CDC14A: variants seen among roughly 807,000 people sequenced by gnomAD.
The protein encoded by CDC14A is cell division cycle 14A.
Under a neutral mutation model 74.4 loss-of-function variants are expected in CDC14A, and 53 were observed. That is an observed-to-expected ratio of 0.71 (90% CI 0.57 to 0.89). The LOEUF is 0.89. Ranked by LOEUF, CDC14A falls within the 40% of genes least tolerant of loss-of-function variation. CDC14A has a pLI of 0.00. For missense variants in CDC14A, 646 were observed against 713.7 expected (o/e 0.91, Z 1.08); for synonymous variants, 247 against 258.4 (o/e 0.96, Z 0.43).
Position 100,508,673 on chromosome 1 carries a change from C to T in CDC14A, c.1755+9411C>T, listed in dbSNP as rs569770143. Among the ~76,000 whole-genome samples, 376 of 152,254 alleles carry T rather than the reference C, an allele frequency of 2.5e-3. 1 individual carries two copies. Among genetic ancestry groups the T allele is most frequent in the African/African-American group, 8.4e-3 (347 of 41,548 alleles). On this transcript the variant is annotated intron_variant, in intron 15 of 15. Coordinates refer to ENST00000336454, the MANE Select transcript of CDC14A (RefSeq NM_003672.4). This position sits in a 1 kb window ranked among gnomAD's most constrained non-coding sequence, Gnocchi z 4.4. Reference sequence around the variant, plus strand: ...ATGTGGCTCCATCTCAGCCCTGGCCCGAGGGCAATGGTCCCAATTTCTCTC... The same window carrying T: ...ATGTGGCTCCATCTCAGCCCTGGCCTGAGGGCAATGGTCCCAATTTCTCTC...
At chr1:100,377,097 G>A (rs1439512702) in intron 2 of CDC14A, among the ~76,000 whole-genome samples, 4 of 151,030 alleles carry the variant, frequency 2.6e-5, no homozygotes, top group Non-Finnish European at 5.9e-5. Context: ...GCAGTGGTGC[G>A]ATCTCTGGCT....
intron 2 of CDC14A, among the ~76,000 whole-genome samples, chr1:100,372,554 G>T (rs951771576): frequency 6.6e-6 from 1 of 152,134 alleles, no homozygotes; most frequent in African/African-American, 2.4e-5. Flanking sequence ...TGAGCAAAAG[G>T]TGTGAGCATG....
intron 5 of CDC14A, among the ~76,000 whole-genome samples, chr1:100,427,874 G>A (rs1663140887): frequency 6.6e-6 from 1 of 152,098 alleles, no homozygotes; most frequent in Non-Finnish European, 1.5e-5. Context: ...GGAATACTGA[G>A]GAAGGAGGTT....
At chr1:100,405,657 G>A (rs1557723627) in intron 4 of CDC14A, among the ~76,000 whole-genome samples, 1 of 152,172 alleles carries the variant, frequency 6.6e-6, no homozygotes, top group Non-Finnish European at 1.5e-5. Flanking sequence ...GTGTTACTTT[G>A]CTGTGGATAA....
At chr1:100,363,550 T>G (rs1653100586) in intron 2 of CDC14A, among the ~76,000 whole-genome samples, 2 of 152,160 alleles carry the variant, frequency 1.3e-5, no homozygotes, top group Non-Finnish European at 2.9e-5. Context: ...TTAATTTAAT[T>G]TTTTGGTCTT....
At chr1:100,365,900 G>A (rs1458858704) in intron 2 of CDC14A, among the ~76,000 whole-genome samples, 2 of 151,720 alleles carry the variant, frequency 1.3e-5, no homozygotes, top group Non-Finnish European at 2.9e-5. Flanking sequence ...GTTAGGTAAT[G>A]TGTGGCCCAG....
At chr1:100,367,249 CAAAT>C (rs1370900236) in intron 2 of CDC14A, among the ~76,000 whole-genome samples, 1 of 152,156 alleles carries the variant, frequency 6.6e-6, no homozygotes, top group Non-Finnish European at 1.5e-5. Context: ...CCAAGCTGCC[CAAAT>C]AAATCTAGCA....
rs912998818 is a variant in CDC14A at position 100,484,563 on chromosome 1, A to G, written c.1137+112A>G. 8.2e-6 allele frequency: 11 copies of G among 1,343,596 alleles called. No individual in the cohort carries two copies. The East Asian group carries it at 1.4e-4, about 17-fold the overall frequency. The allele number at this position is 1,343,596 out of a possible 1,614,324, so 83.2% of individuals were successfully genotyped here. On this transcript the variant is annotated intron_variant, in intron 11 of 15. Transcript: ENST00000336454. ...TTTTCTCTGGATGCCACGAGTACCA[A>G]GTTTTTAGAAGTAGAGCCATCCGTC...
At chr1:100,410,052 A>G (rs903384431) in intron 4 of CDC14A, among the ~76,000 whole-genome samples, 1 of 152,070 alleles carries the variant, frequency 6.6e-6, no homozygotes, top group Non-Finnish European at 1.5e-5. Context: ...TGTATAAAAA[A>G]TAAAAAAGAA....
chr1:100,515,386 C>CTT (rs368562046), intron 15 of CDC14A, among the ~76,000 whole-genome samples: 8 of 140,214 alleles, frequency 5.7e-5, no homozygotes, highest in Non-Finnish European at 1.1e-4. Flanking sequence ...TTCTTTCTTT[C>CTT]TTTTTTTTTT....
chr1:100,426,757 C>T (rs1663010018), intron 5 of CDC14A, among the ~76,000 whole-genome samples: 1 of 152,094 alleles, frequency 6.6e-6, no homozygotes. Flanking sequence ...AAGATATGCA[C>T]CCATTTCCTA....
Position 100,398,192 on chromosome 1 carries a change from G to A in CDC14A, c.309+7368G>A, listed in dbSNP as rs554333719. Among the ~76,000 whole-genome samples the A allele has an allele frequency of 2.2e-4, 34 of 152,256 alleles. 2 individuals are homozygous for A. In the South Asian group the frequency reaches 6.0e-3, roughly 27 times the overall value. The stretch of plus-strand genomic sequence containing the variant: ...AGGTGTCATCGGTGCAGTGTCTGAC[G>A]TTGTATGCACTTAGGAATGTCTGGT... On this transcript the variant is annotated intron_variant, in intron 4 of 15. Coordinates refer to ENST00000336454, the MANE Select transcript of CDC14A (RefSeq NM_003672.4).
intron 4 of CDC14A, among the ~76,000 whole-genome samples, chr1:100,395,054 A>G (rs1352445286): frequency 6.6e-6 from 1 of 152,230 alleles, no homozygotes; most frequent in Non-Finnish European, 1.5e-5. Context: ...ATATTTTATC[A>G]AACAGAAGTC....
chr1:100,397,888 G>C (rs1658742155), intron 4 of CDC14A, among the ~76,000 whole-genome samples: 1 of 152,146 alleles, frequency 6.6e-6, no homozygotes, highest in Non-Finnish European at 1.5e-5. Flanking sequence ...CCATGTCTGT[G>C]TTGGCTATTT....
At chr1:100,461,931 G>A (rs970415645) in intron 8 of CDC14A, among the ~76,000 whole-genome samples, 3 of 152,002 alleles carry the variant, frequency 2.0e-5, no homozygotes, top group Non-Finnish European at 4.4e-5. Context: ...ATCATTTTTT[G>A]TGGTGAGAAG....
At chr1:100,453,617 A>G (rs1286542015) in intron 7 of CDC14A, among the ~76,000 whole-genome samples, 3 of 152,028 alleles carry the variant, frequency 2.0e-5, no homozygotes, top group African/African-American at 4.8e-5. Context: ...GGTTTCTTAG[A>G]TTTTACTTAG....
intron 3 of CDC14A, among the ~76,000 whole-genome samples, chr1:100,381,295 A>T (rs1456330987): frequency 6.6e-6 from 1 of 151,758 alleles, no homozygotes; most frequent in Non-Finnish European, 1.5e-5. Context: ...TGCCTTCCCT[A>T]CTCTACCGAA....
rs189896685 is a variant in CDC14A, at chr1:100,368,152, C to A, written c.141-9394C>A. On this transcript the variant is annotated intron_variant, in intron 2 of 15. Transcript: ENST00000336454. ...TATGGTACTTGGTAATTTCTTTTAT[C>A]TTTTATAGTTATTTTGATATGTCTT... Among the ~76,000 whole-genome samples, 4 of 152,240 alleles carry A rather than the reference C, an allele frequency of 2.6e-5. No homozygotes were observed. The South Asian group carries it at 6.2e-4, about 24-fold the overall frequency.
intron 10 of CDC14A, among the ~76,000 whole-genome samples, chr1:100,478,525 C>T (rs1180648033): frequency 1.3e-5 from 2 of 152,164 alleles, no homozygotes; most frequent in South Asian, 2.1e-4. Context: ...GGGGCTCCCA[C>T]GGGGATTTTC....
Sources: allele counts gnomAD v4.1 joint callset (sites outside exome capture counted in the v4.1 genomes callset), GRCh38; gene constraint gnomAD v4.1.1; non-coding constraint Gnocchi (gnomAD v3.1); transcripts MANE v1.5; gene names NCBI Gene and HGNC (gene_info 2026-07-23, HGNC 2026-07-21).